The following FMNL1 variants were observed in gnomAD, a reference collection of about 807,000 sequenced individuals.
FMNL1 encodes the protein formin like 1.
Under a neutral mutation model 121.3 loss-of-function variants are expected in FMNL1, and 43 were observed. The ratio of observed to expected loss-of-function variants is 0.35; its 90% confidence interval spans 0.28 to 0.46. The LOEUF (loss-of-function observed/expected upper bound fraction) is 0.46. Among genes scored for constraint, FMNL1 ranks in the 20% least tolerant of loss-of-function variants. The pLI, the probability that FMNL1 is intolerant of heterozygous loss-of-function variation, is 1.00. For missense variants in FMNL1, 1,191 were observed against 1,482.4 expected, an observed-to-expected ratio of 0.80 and a Z score of 3.23; for synonymous variants, 613 against 613.5, an observed-to-expected ratio of 1.00 and a Z score of 0.01.
rs1300498650 is a variant in FMNL1, at chr17:45,241,619, G to A, written c.1570G>A (p.Gly524Ser). 8 of 1,518,196 alleles carry A rather than the reference G, an allele frequency of 5.3e-6. No individual in the cohort carries two copies. In the African/African-American group the frequency reaches 5.5e-5, roughly 10 times the overall value. 94.0% of individuals were successfully genotyped at this position (1,518,196 alleles called of 1,614,324 possible). A position where few individuals can be genotyped will look rare whatever the true frequency, so the allele number is the denominator to read the frequency against. The part of the protein sequence containing the change: ...GDAPTPGVPT[G>S]SPSPDLAPAA... ...TGCTCCGACTCCGGGGGTGCCGACC[G>A]GCTCCCCCAGCCCAGGTGCGCAGGA... The change falls in exon 14 of 27, where the codon GGC becomes AGC. Residue 524 changes from glycine (G) to serine (S), a missense_variant. Transcript: ENST00000331495. This position sits in a 1 kb window ranked among gnomAD's most constrained non-coding sequence, Gnocchi z 7.0.
At chr17:45,236,477 T>A in intron 7 of FMNL1, 2 of 437,658 alleles carry the variant, frequency 4.6e-6, no homozygotes. Context: ...TGGCTGGGCA[T>A]GAAGGAGCCT....
At position 45,233,935 on chromosome 17, in the gene FMNL1, C is replaced by T. The variant is rs1289325496; in HGVS notation, c.486-137C>T. 1 of 1,388,742 alleles carries T rather than the reference C, an allele frequency of 7.2e-7. No homozygotes were observed. The highest frequency in any genetic ancestry group is 9.7e-7 in the Non-Finnish European group (1 of 1,030,634). 86.0% of individuals were successfully genotyped at this position (1,388,742 alleles called of 1,614,324 possible). A position where few individuals can be genotyped will look rare whatever the true frequency, so the allele number is the denominator to read the frequency against. On this transcript the variant is annotated intron_variant, in intron 5 of 26. Coordinates refer to ENST00000331495, the MANE Select transcript of FMNL1 (RefSeq NM_005892.4). The surrounding 1 kb of genome is among the most constrained non-coding windows in gnomAD (Gnocchi z 4.1). ...GCCTCTCTTCCACCACTATGTTCAG[C>T]ACAGTGCCAAGAACACAGCCTCCTC...
In FMNL1 at chr17:45,243,270, C is replaced by G. The variant is rs1335126752; in HGVS notation, c.2163C>G (p.Thr721=). 6.2e-7 allele frequency: 1 copy of G among 1,614,002 alleles called. No homozygotes were observed. The highest frequency in any genetic ancestry group is 8.5e-7 in the Non-Finnish European group (1 of 1,179,958). ...ACCGGGCCAAGAACTTGGCCATCAC[C>G]CTGCGGAAGGGCAACCTGGGGGCCG... ...EANRAKNLAI[T]LRKGNLGAER... is the part of the protein sequence containing the mutation. The change falls in exon 17 of 27, where the codon ACC becomes ACG. Residue 721 remains threonine, a synonymous_variant. Transcript: ENST00000331495.
chr17:45,226,193 G>A (rs753121652), intron 1 of FMNL1, among the ~76,000 whole-genome samples: 3 of 152,212 alleles, frequency 2.0e-5, no homozygotes, highest in African/African-American at 4.8e-5. Flanking sequence ...CCTGGTGGCC[G>A]GAAACCGCTG....
intron 16 of FMNL1, 43 bp downstream of exon 16, chr17:45,242,508 G>A (rs1356182314): frequency 6.9e-6 from 11 of 1,597,082 alleles, no homozygotes; most frequent in East Asian, 4.5e-5. Context: ...ACCGGAGGAA[G>A]AGGGGAGTTG....
chr17:45,228,444 T>C (rs1461759231), intron 1 of FMNL1, among the ~76,000 whole-genome samples: 1 of 152,166 alleles, frequency 6.6e-6, no homozygotes, highest in African/African-American at 2.4e-5. Flanking sequence ...ACCCAGGTGG[T>C]GGCTCAGAGT....
Position 45,240,523 on chromosome 17 carries a change from G to C in FMNL1, c.1128G>C (p.Ala376=), listed in dbSNP as rs532139991. ...ESDKLQVQIQ[A]YLDNIFDVGA... ...ACAAGCTGCAGGTGCAGATCCAGGC[G>C]TACCTGGACAATATTTTTGATGTGG... The change falls in exon 12 of 27, where the codon GCG becomes GCC. Residue 376 remains alanine (A), a synonymous_variant. Coordinates refer to ENST00000331495, the MANE Select transcript of FMNL1 (RefSeq NM_005892.4). The C allele has an allele frequency of 5.0e-6, 8 of 1,613,818 alleles. No homozygotes were observed. In the African/African-American group the frequency reaches 1.1e-4, roughly 22 times the overall value.
In FMNL1 at chr17:45,233,410, G is replaced by T; in HGVS notation, c.401+113G>T. 8.4e-7 allele frequency: 1 copy of T among 1,191,364 alleles called. No individual in the cohort carries two copies. Among genetic ancestry groups the T allele is most frequent in the African/African-American group, 1.5e-5 (1 of 65,144 alleles). 73.8% of individuals were successfully genotyped at this position (1,191,364 alleles called of 1,614,324 possible). A position where few individuals can be genotyped will look rare whatever the true frequency, so the allele number is the denominator to read the frequency against. On this transcript the variant is annotated intron_variant, in intron 4 of 26. Transcript: ENST00000331495. This position sits in a 1 kb window ranked among gnomAD's most constrained non-coding sequence, Gnocchi z 4.1. ...GCCCCCTGCACAAGGCTGTGCTTGT[G>T]GACCACCTCCTGGAGGTGTCCAGGA...
chr17:45,223,338 C>A (rs1268407557), intron 1 of FMNL1, among the ~76,000 whole-genome samples: 3 of 152,228 alleles, frequency 2.0e-5, no homozygotes, highest in Non-Finnish European at 4.4e-5. Flanking sequence ...TCCTTGACAT[C>A]ATTTCCCCTC....
intron 1 of FMNL1, among the ~76,000 whole-genome samples, chr17:45,228,136 G>C (rs1010524332): frequency 6.6e-6 from 1 of 152,188 alleles, no homozygotes; most frequent in African/African-American, 2.4e-5. Flanking sequence ...CACCCCGAGT[G>C]AGTGGCATCT....
At position 45,241,906 on chromosome 17, in the gene FMNL1, C is replaced by T; in HGVS notation, c.1645C>T (p.Pro549Ser). 7.1e-7 allele frequency: 1 copy of T among 1,407,662 alleles called. No individual in the cohort carries two copies. Among genetic ancestry groups the T allele is most frequent in the Non-Finnish European group, 9.2e-7 (1 of 1,090,180 alleles). The allele number at this position is 1,407,662 out of a possible 1,614,324, so 87.2% of individuals were successfully genotyped here. The change falls in exon 15 of 27, where the codon CCC (proline) becomes TCC (serine). Residue 549 changes from proline (P) to serine (S), a missense_variant. By Grantham distance (74) the Pro-to-Ser change is moderately conservative. Transcript: ENST00000331495. The surrounding 1 kb of genome is among the most constrained non-coding windows in gnomAD (Gnocchi z 7.0). ...AGCGCCACCGCCGCCGCCCCCACTG[C>T]CCGGCCTCCCCTCCCCGCAGGAAGC... is the stretch of plus-strand genomic sequence containing the variant. ...GAAPPPPPPL[P>S]GLPSPQEAPP...
chr17:45,240,698 G>A lies in FMNL1; in HGVS notation c.1230+73G>A, dbSNP rs1358955323. ...GCACACGGGCCACAGGGCCACGCAA[G>A]CATGGGCACTGGGCAGCAGACAGTG... On this transcript the variant is annotated intron_variant, in intron 12 of 26. Coordinates refer to ENST00000331495, the MANE Select transcript of FMNL1 (RefSeq NM_005892.4). 2.6e-6 allele frequency: 4 copies of A among 1,539,250 alleles called. No individual in the cohort carries two copies. The African/African-American group carries it at 4.1e-5, about 16-fold the overall frequency.
chr17:45,245,694 G>T lies in FMNL1; in HGVS notation c.2955G>T (p.Leu985=), dbSNP rs1555632786. The change falls in exon 23 of 27, where the codon CTG becomes CTT. Residue 985 remains leucine, a synonymous_variant. Transcript: ENST00000331495. ...GENPKTTSPG[L]FFSLFSRFIK... ...ACCCCAAGACCACATCCCCAGGCCT[G>T]TTCTTCTCCCTCTTTAGCCGCTTCA... 3.1e-6 allele frequency: 5 copies of T among 1,614,104 alleles called. No homozygotes were observed. Among genetic ancestry groups the T allele is most frequent in the Non-Finnish European group, 4.2e-6 (5 of 1,179,988 alleles).
In FMNL1 at chr17:45,242,029, C is replaced by T. The variant is rs1187518930; in HGVS notation, c.1768C>T (p.Pro590Ser). The change falls in exon 15 of 27, where the codon CCA becomes TCA. Residue 590 changes from proline to serine, a missense_variant. Transcript: ENST00000331495. ...LPGDLPPPPPPPPPPPGTDGP... is the reference protein window; with the variant it reads ...LPGDLPPPPPSPPPPPGTDGP... ...CGGAGACCTGCCGCCCCCACCCCCG[C>T]CACCGCCACCACCTCCGGGCACTGA... The T allele has an allele frequency of 2.4e-5, 33 of 1,364,696 alleles. No homozygotes were observed. The highest frequency in any genetic ancestry group is 3.1e-5 in the African/African-American group (2 of 64,046). The allele number at this position is 1,364,696 out of a possible 1,614,324, so 84.5% of individuals were successfully genotyped here.
rs748826581 is a variant in FMNL1, at chr17:45,245,993, C to T, written c.3090+20C>T. 4 of 1,538,770 alleles carry T rather than the reference C, an allele frequency of 2.6e-6. No individual in the cohort carries two copies. Among genetic ancestry groups the T allele is most frequent in the Admixed American group, 4.4e-5 (2 of 45,812 alleles). ...CCCAAGGTAGGCAACTGCTCCTGGG[C>T]TTGGTACTGGGCTGCAGGGATGCAT... On this transcript the variant is annotated intron_variant, in intron 24 of 26. Transcript: ENST00000331495.
chr17:45,244,171 C>G lies in FMNL1; in HGVS notation c.2449-5C>G, dbSNP rs138296987. On this transcript the variant is annotated splice_region_variant and splice_polypyrimidine_tract_variant and intron_variant, in intron 18 of 26. Transcript: ENST00000331495. The stretch of plus-strand genomic sequence containing the variant: ...CTTATCTTACCTCCCCCATCCCACC[C>G]CCAGCAACTGAATGCCATCATTGCA... 6.2e-7 allele frequency: 1 copy of G among 1,612,954 alleles called. No homozygotes were observed. The highest frequency in any genetic ancestry group is 8.5e-7 in the Non-Finnish European group (1 of 1,179,572).
chr17:45,244,020 AT>A lies in FMNL1; in HGVS notation c.2444del (p.Met815SerfsTer4). On this transcript the variant is annotated frameshift_variant, in exon 18 of 27. Transcript: ENST00000331495. LOFTEE classifies it high-confidence loss of function. The stretch of plus-strand genomic sequence containing the variant: ...CTTCCCGGACACAGCCCAGCTGCTC[AT>A]GCCGGTGTGGGCGGAGCGGGCAGGG... ...GNFPDTAQLL[M>X]PQLNAIIAAS... is the part of the protein sequence containing the mutation. 1 of 1,607,894 alleles carries A rather than the reference AT, an allele frequency of 6.2e-7. No homozygotes were observed. The highest frequency in any genetic ancestry group is 8.5e-7 in the Non-Finnish European group (1 of 1,177,430).
chr17:45,240,342 A>T, intron 11 of FMNL1, 134 bp from the exon 12 acceptor site: 1 of 907,746 alleles, frequency 1.1e-6, no homozygotes, highest in Non-Finnish European at 1.6e-6. Flanking sequence ...ATTATATATT[A>T]AAAAATAAAG....
chr17:45,234,789 T>C (rs2043517855), intron 6 of FMNL1: 1 of 159,056 alleles, frequency 6.3e-6, no homozygotes, highest in African/African-American at 2.4e-5. Context: ...GGGACCCCTC[T>C]TGTATGCATC....
Sources: gnomAD v4.1 joint callset for allele counts (sites outside exome capture counted in the v4.1 genomes callset) on GRCh38, gnomAD v4.1.1 for gene constraint, Gnocchi (gnomAD v3.1) non-coding constraint, MANE v1.5 for transcripts, NCBI Gene and HGNC (gene_info 2026-07-23, HGNC 2026-07-21) for gene names.